USF3: variants seen among roughly 807,000 people sequenced by gnomAD.
The protein encoded by USF3 is basic helix-loop-helix domain-containing protein USF3.
USF3 carries 29 observed loss-of-function variants against 157.5 expected under a neutral mutation model. That is an observed-to-expected ratio of 0.18 (90% CI 0.14 to 0.25). The LOEUF is 0.25. Ranked by LOEUF, USF3 falls within the 10% of genes least tolerant of loss-of-function variation. USF3 has a pLI of 1.00. For missense variants in USF3, 2,381 were observed against 2,667.6 expected (o/e 0.89, Z 2.37); for synonymous variants, 893 against 941.4 (o/e 0.95, Z 0.94).
chr3:113,695,670 A>G (rs1339893480), intron 1 of USF3, among the ~76,000 whole-genome samples: 3 of 152,250 alleles, frequency 2.0e-5, no homozygotes, highest in Non-Finnish European at 4.4e-5. Context: ...GCAAAGGACC[A>G]TATCCCAATG....
At chr3:113,663,813 T>G (rs1230522841) in intron 6 of USF3, among the ~76,000 whole-genome samples, 2 of 152,202 alleles carry the variant, frequency 1.3e-5, no homozygotes, top group African/African-American at 4.8e-5. Flanking sequence ...GTCACCTTTA[T>G]CTAAGAATCA....
At position 113,652,538 on chromosome 3, in the gene USF3, G is replaced by C. The variant is rs1233601012; in HGVS notation, c.*2406C>G. 2 of 151,782 alleles carry C rather than the reference G, an allele frequency of 1.3e-5. No individual in the cohort carries two copies. Among genetic ancestry groups the C allele is most frequent in the African/African-American group, 4.8e-5 (2 of 41,290 alleles). The allele number at this position is 151,782 out of a possible 1,614,324, so 9.4% of individuals were successfully genotyped here. On this transcript the variant is annotated 3_prime_UTR_variant, in exon 7 of 7. Transcript: ENST00000316407. ...GCTGCTTAGTTGGCAGCAGAAAAGAGACAGGACAGTTTGGTAAGAACAGTT... is the reference window on the plus strand; with the variant it reads ...GCTGCTTAGTTGGCAGCAGAAAAGACACAGGACAGTTTGGTAAGAACAGTT...
At position 113,661,382 on chromosome 3, in the gene USF3, T is replaced by A. The variant is rs753357318; in HGVS notation, c.300A>T (p.Gln100His). Reference protein sequence around the residue: ...KKLRKQLEEIQKENGRYIELL... With the variant: ...KKLRKQLEEIHKENGRYIELL... ...ATTCAATATATCGGCCATTTTCTTTTTGGATTTCTTCCAGTTGTTTCCGTA... is the reference window on the plus strand; with the variant it reads ...ATTCAATATATCGGCCATTTTCTTTATGGATTTCTTCCAGTTGTTTCCGTA... Residue 100 changes from glutamine (Q) to histidine (H), a missense_variant, in exon 7 of 7, where the codon CAA becomes CAT. By Grantham distance (24) the Gln-to-His change is conservative (BLOSUM62 0). Around this residue, in one of 6 missense-constraint regions of USF3, gnomAD observed 105 missense variants for 158.6 expected, o/e 0.66. Coordinates refer to ENST00000316407, the MANE Select transcript of USF3 (RefSeq NM_001009899.4). 4.8e-5 allele frequency: 76 copies of A among 1,582,420 alleles called. No homozygotes were observed. Among genetic ancestry groups the A allele is most frequent in the Non-Finnish European group, 6.1e-5 (71 of 1,168,438 alleles).
chr3:113,655,352 G>T lies in USF3; in HGVS notation c.6330C>A (p.Phe2110Leu). The T allele has an allele frequency of 3.7e-6, 6 of 1,614,116 alleles. No individual in the cohort carries two copies. The highest frequency in any genetic ancestry group is 5.1e-6 in the Non-Finnish European group (6 of 1,179,968). Residue 2110 changes from phenylalanine to leucine, a missense_variant, in exon 7 of 7, where the codon TTC (phenylalanine) becomes TTA (leucine). This residue lies in a region of USF3 where 770 missense variants were observed against 824.2 expected (regional missense o/e 0.93). Coordinates refer to ENST00000316407, the MANE Select transcript of USF3 (RefSeq NM_001009899.4). ...PVDPQNTLPS[F>L]YPPYSPAHPT... Reference sequence around the variant, plus strand: ...GATGAGCAGGAGAGTATGGAGGATAGAAGGAGGGCAGAGTATTTTGCGGAT... The same window carrying T: ...GATGAGCAGGAGAGTATGGAGGATATAAGGAGGGCAGAGTATTTTGCGGAT...
chr3:113,658,466 C>T lies in USF3; in HGVS notation c.3216G>A (p.Glu1072=). The change falls in exon 7 of 7, where the codon GAG becomes GAA. Residue 1072 remains glutamate (E), a synonymous_variant. Coordinates refer to ENST00000316407, the MANE Select transcript of USF3 (RefSeq NM_001009899.4). The part of the protein sequence containing the change: ...PQHHSCLPDQ[E]VINGSLINGR... Reference sequence around the variant, plus strand: ...CGTTGATCAAAGAACCATTAATAACCTCTTGATCAGGGAGGCAGGAATGAT... The same window carrying T: ...CGTTGATCAAAGAACCATTAATAACTTCTTGATCAGGGAGGCAGGAATGAT... 3.1e-6 allele frequency: 5 copies of T among 1,614,020 alleles called. No individual in the cohort carries two copies. Among genetic ancestry groups the T allele is most frequent in the Non-Finnish European group, 4.2e-6 (5 of 1,179,916 alleles).
chr3:113,664,498 T>C (rs995026110), intron 5 of USF3, 89 bp from the exon 6 acceptor site: 28 of 631,626 alleles, frequency 4.4e-5, no homozygotes, highest in Non-Finnish European at 6.9e-5. Context: ...TTATCACATA[T>C]ATATGATACG....
intron 5 of USF3, among the ~76,000 whole-genome samples, chr3:113,668,608 G>A (rs1342228431): frequency 1.3e-5 from 2 of 151,286 alleles, no homozygotes; most frequent in African/African-American, 4.9e-5. Flanking sequence ...TCCCAAGTAT[G>A]AAAAAAACAG....
At chr3:113,672,148 T>C (rs1230931324) in intron 4 of USF3, among the ~76,000 whole-genome samples, 3 of 143,648 alleles carry the variant, frequency 2.1e-5, no homozygotes, top group Non-Finnish European at 4.6e-5. Context: ...TTTTTTTTTC[T>C]TTTTTTTTTT....
At position 113,650,388 on chromosome 3, in the gene USF3, T is replaced by TG; in HGVS notation, c.*4555dup. ...CTTGGGAATCACTGATTTGGGAGTA[T>TG]GACTCACTACCACACACTGATCCAT... is the stretch of plus-strand genomic sequence containing the variant. On this transcript the variant is annotated 3_prime_UTR_variant, in exon 7 of 7. Coordinates refer to ENST00000316407, the MANE Select transcript of USF3 (RefSeq NM_001009899.4). The TG allele has an allele frequency of 6.4e-6, 1 of 155,800 alleles. No individual in the cohort carries two copies. The highest frequency in any genetic ancestry group is 1.4e-5 in the Non-Finnish European group (1 of 70,564). The allele number at this position is 155,800 out of a possible 1,614,324, so 9.7% of individuals were successfully genotyped here. A position where few individuals can be genotyped will look rare whatever the true frequency, so the allele number is the denominator to read the frequency against.
At position 113,651,405 on chromosome 3, in the gene USF3, C is replaced by A. The variant is rs535992821; in HGVS notation, c.*3539G>T. The A allele has an allele frequency of 2.6e-5, 4 of 152,280 alleles. No homozygotes were observed. Among genetic ancestry groups the A allele is most frequent in the Non-Finnish European group, 1.5e-5 (1 of 68,042 alleles). 9.4% of individuals were successfully genotyped at this position (152,280 alleles called of 1,614,324 possible). A position where few individuals can be genotyped will look rare whatever the true frequency, so the allele number is the denominator to read the frequency against. On this transcript the variant is annotated 3_prime_UTR_variant, in exon 7 of 7. Transcript: ENST00000316407. Reference sequence around the variant, plus strand: ...TATGACTTACCACCACATGCTGATCCATACATGGTGGGCCCAATAAATGTT... The same window carrying A: ...TATGACTTACCACCACATGCTGATCAATACATGGTGGGCCCAATAAATGTT...
chr3:113,671,575 T>C (rs1321793551), intron 4 of USF3, among the ~76,000 whole-genome samples: 2 of 152,204 alleles, frequency 1.3e-5, no homozygotes, highest in African/African-American at 2.4e-5. Context: ...AACATTAGTA[T>C]TGGCTATTTT....
chr3:113,655,433 G>C lies in USF3; in HGVS notation c.6249C>G (p.Phe2083Leu). ...MNPPINANAS[F>L]IPQVTQPSAT... Reference sequence around the variant, plus strand: ...CACTAGGCTGAGTAACCTGTGGAATGAAAGAAGCATTAGCATTTATTGGTG... The same window carrying C: ...CACTAGGCTGAGTAACCTGTGGAATCAAAGAAGCATTAGCATTTATTGGTG... The change falls in exon 7 of 7, where the codon TTC (phenylalanine) becomes TTG (leucine). Residue 2083 changes from phenylalanine (F) to leucine (L), a missense_variant. By Grantham distance (22) the Phe-to-Leu change is conservative. Coordinates refer to ENST00000316407, the MANE Select transcript of USF3 (RefSeq NM_001009899.4). 6.2e-7 allele frequency: 1 copy of C among 1,614,170 alleles called. No individual in the cohort carries two copies. The highest frequency in any genetic ancestry group is 8.5e-7 in the Non-Finnish European group (1 of 1,180,022).
In USF3 at chr3:113,658,891, A is replaced by C; in HGVS notation, c.2791T>G (p.Leu931Val). 1.2e-6 allele frequency: 2 copies of C among 1,614,230 alleles called. No homozygotes were observed. Among genetic ancestry groups the C allele is most frequent in the Non-Finnish European group, 1.7e-6 (2 of 1,180,048 alleles). ...SQDKPPSSLALSDAAKPCASA... is the reference protein window; with the variant it reads ...SQDKPPSSLAVSDAAKPCASA... ...GCGCAGGGTTTGGCAGCATCTGATAATGCTAAACTACTTGGTGGTTTATCC... is the reference window on the plus strand; with the variant it reads ...GCGCAGGGTTTGGCAGCATCTGATACTGCTAAACTACTTGGTGGTTTATCC... Residue 931 changes from leucine to valine, a missense_variant, in exon 7 of 7, where the codon TTA (leucine) becomes GTA (valine). By Grantham distance (32) the Leu-to-Val change is conservative. Around this residue, in one of 6 missense-constraint regions of USF3, gnomAD observed 1,435 missense variants for 1,550.9 expected, o/e 0.93. Transcript: ENST00000316407.
In USF3 at chr3:113,659,116, C is replaced by T. The variant is rs745713248; in HGVS notation, c.2566G>A (p.Ala856Thr). The T allele has an allele frequency of 2.2e-5, 35 of 1,614,004 alleles. No homozygotes were observed. The highest frequency in any genetic ancestry group is 2.4e-5 in the Non-Finnish European group (28 of 1,180,034). The change falls in exon 7 of 7, where the codon GCA (alanine) becomes ACA (threonine). Residue 856 changes from alanine (A) to threonine (T), a missense_variant. Physicochemically the swap from Ala to Thr is moderately conservative, Grantham distance 58. Transcript: ENST00000316407. ...GAAGCAGAAACACTCACACTATTTG[C>T]CTGAGACACAGAGACAGATGGTAAC... is the stretch of plus-strand genomic sequence containing the variant. Reference protein sequence around the residue: ...AVLPSVSVSQANSVSVSASHS... With the variant: ...AVLPSVSVSQTNSVSVSASHS...
chr3:113,674,047 G>T (rs1160567387), intron 3 of USF3, among the ~76,000 whole-genome samples: 1 of 152,124 alleles, frequency 6.6e-6, no homozygotes, highest in Non-Finnish European at 1.5e-5. Flanking sequence ...AGAACCATTG[G>T]CCATGCAATT....
In USF3 at chr3:113,658,331, T is replaced by G; in HGVS notation, c.3351A>C (p.Thr1117=). The G allele has an allele frequency of 6.2e-7, 1 of 1,614,224 alleles. No individual in the cohort carries two copies. The highest frequency in any genetic ancestry group is 8.5e-7 in the Non-Finnish European group (1 of 1,180,034). ...TTREDVTSNA[T]TNTCDSCTFV... The stretch of plus-strand genomic sequence containing the variant: ...AGGTACAGCTGTCACATGTATTAGT[T>G]GTTGCATTGCTGGTCACATCTTCTC... Residue 1117 remains threonine (T), a synonymous_variant, in exon 7 of 7, where the codon ACA becomes ACC. Transcript: ENST00000316407.
rs760110072 is a variant in USF3 at position 113,654,945 on chromosome 3, T to G, written c.6737A>C (p.Ter2246SerextTer7). 1.2e-6 allele frequency: 2 copies of G among 1,605,432 alleles called. No homozygotes were observed. Among genetic ancestry groups the G allele is most frequent in the Admixed American group, 3.4e-5 (2 of 58,928 alleles). The change falls in exon 7 of 7, where the codon TAA (stop) becomes TCA (serine). Residue 2246 changes from the stop codon to serine (S), a stop_lost. Coordinates refer to ENST00000316407, the MANE Select transcript of USF3 (RefSeq NM_001009899.4). Reference protein sequence around the residue: ...ILGHDCSSAV* With the variant: ...ILGHDCSSAVS ...CCTTTACATTTTGTTTATCAGTATT[T>G]AAACAGCTGAACTGCAATCATGACC...
At chr3:113,672,599 G>A (rs1428479857) in intron 4 of USF3, among the ~76,000 whole-genome samples, 1 of 151,874 alleles carries the variant, frequency 6.6e-6, no homozygotes, top group African/African-American at 2.4e-5. Flanking sequence ...AGTAGATTTT[G>A]TAATGCATGG....
At chr3:113,695,678 A>G (rs367974988) in intron 1 of USF3, among the ~76,000 whole-genome samples, 2 of 152,344 alleles carry the variant, frequency 1.3e-5, no homozygotes, top group South Asian at 4.1e-4. Flanking sequence ...CCATATCCCA[A>G]TGTAACGAGG....
Sources: gnomAD v4.1 joint callset for allele counts (sites outside exome capture counted in the v4.1 genomes callset) on GRCh38, gnomAD v4.1.1 for gene constraint, gnomAD v4.1.1 regional missense constraint, MANE v1.5 for transcripts, NCBI Gene and HGNC (gene_info 2026-07-23, HGNC 2026-07-21) for gene names.